Variants in NELL1 observed in about 807,000 individuals in gnomAD.
NELL1 encodes the protein protein kinase C-binding protein NELL1.
In NELL1, 76 loss-of-function variants were observed where a neutral mutation model predicts 107.4. The ratio of observed to expected loss-of-function variants is 0.71; its 90% confidence interval spans 0.59 to 0.86. The LOEUF (loss-of-function observed/expected upper bound fraction) is 0.86, where lower values mean the gene tolerates loss of function less well. NELL1 is among the 40% of genes least tolerant of loss of function. NELL1 has a pLI of 0.00. For missense variants in NELL1, 1,024 were observed against 1,005.5 expected (o/e 1.02, Z -0.25); for synonymous variants, 353 against 341.2 (o/e 1.03, Z -0.38).
intron 14 of NELL1, among the ~76,000 whole-genome samples, chr11:21,271,231 T>C (rs1848733416): frequency 6.6e-6 from 1 of 151,966 alleles, no homozygotes; most frequent in African/African-American, 2.4e-5. Context: ...ATCAACAAAA[T>C]TGATGAACCT....
intron 12 of NELL1, among the ~76,000 whole-genome samples, chr11:21,012,493 A>G (rs182045453): frequency 3.9e-5 from 6 of 152,214 alleles, no homozygotes; most frequent in Admixed American, 3.9e-4. Flanking sequence ...CTCCCATTGT[A>G]ACTGCCTGAT....
chr11:20,956,263 A>C (rs1851169041), intron 11 of NELL1, among the ~76,000 whole-genome samples: 1 of 152,064 alleles, frequency 6.6e-6, no homozygotes, highest in African/African-American at 2.4e-5. Flanking sequence ...AAAATATAAA[A>C]GATTATTCTA....
chr11:21,446,215 T>G (rs948538728), intron 15 of NELL1, among the ~76,000 whole-genome samples: 1 of 152,120 alleles, frequency 6.6e-6, no homozygotes, highest in African/African-American at 2.4e-5. Flanking sequence ...ATTTATTTGT[T>G]TACTTTATAT....
At chr11:21,443,877 A>AC (rs398115128) in intron 15 of NELL1, among the ~76,000 whole-genome samples, 1 of 151,632 alleles carries the variant, frequency 6.6e-6, no homozygotes, top group African/African-American at 2.4e-5. Flanking sequence ...GAAAAAAAAA[A>AC]GAAAAGTAGG....
intron 3 of NELL1, among the ~76,000 whole-genome samples, chr11:20,799,725 G>A (rs934950950): frequency 2.6e-5 from 4 of 152,154 alleles, no homozygotes; most frequent in Admixed American, 2.0e-4. Context: ...CATGCACAGA[G>A]TTGTTACACT....
chr11:21,054,819 TC>T (rs1274900532), intron 12 of NELL1, among the ~76,000 whole-genome samples: 32 of 152,194 alleles, frequency 2.1e-4, no homozygotes, highest in African/African-American at 7.2e-4. Context: ...TAAAAGATGG[TC>T]AGTTATTTCC....
intron 4 of NELL1, among the ~76,000 whole-genome samples, chr11:20,869,578 A>T (rs1849158560): frequency 6.6e-6 from 1 of 152,190 alleles, no homozygotes; most frequent in African/African-American, 2.4e-5. Context: ...AAGTGCAAAA[A>T]TAGGTGAAAT....
chr11:21,007,678 A>C lies in NELL1; in HGVS notation c.1300+47118A>C, dbSNP rs142651268. Reference sequence around the variant, plus strand: ...GTTTGTGTAGGAGGGACACCTGTACATTCACACTTACTTGCAATTGTAGGT... The same window carrying C: ...GTTTGTGTAGGAGGGACACCTGTACCTTCACACTTACTTGCAATTGTAGGT... On this transcript the variant is annotated intron_variant, in intron 12 of 19. Transcript: ENST00000357134. Among the ~76,000 whole-genome samples, 592 of 152,108 alleles carry C rather than the reference A, an allele frequency of 3.9e-3. 2 individuals are homozygous for C. Among genetic ancestry groups the C allele is most frequent in the African/African-American group, 0.014 (562 of 41,514 alleles).
chr11:21,283,712 G>A (rs1466618401), intron 14 of NELL1: 3 of 164,114 alleles, frequency 1.8e-5, no homozygotes, highest in African/African-American at 7.2e-5. Flanking sequence ...TCCACCCAAG[G>A]AAGCTAGTTC....
At chr11:21,167,607 T>C (rs967687423) in intron 13 of NELL1, among the ~76,000 whole-genome samples, 2 of 151,876 alleles carry the variant, frequency 1.3e-5, no homozygotes, top group South Asian at 2.1e-4. Flanking sequence ...ACGAATACCT[T>C]ATTATAGTTG....
intron 15 of NELL1, among the ~76,000 whole-genome samples, chr11:21,475,054 T>C (rs1854290644): frequency 6.6e-6 from 1 of 152,142 alleles, no homozygotes; most frequent in Non-Finnish European, 1.5e-5. Context: ...CTCCATACTC[T>C]TTCTGATATT....
chr11:21,129,164 G>T (rs183683862), intron 13 of NELL1, among the ~76,000 whole-genome samples: 71 of 152,142 alleles, frequency 4.7e-4, no homozygotes, highest in Non-Finnish European at 1.3e-4. Flanking sequence ...ATTATTGTGT[G>T]TATGTGTGTG....
intron 14 of NELL1, among the ~76,000 whole-genome samples, chr11:21,358,565 ATTTTTTT>A (rs75578174): frequency 1.9e-3 from 187 of 97,684 alleles, no homozygotes; most frequent in Non-Finnish European, 2.8e-3. Flanking sequence ...TGCCCTGATA[ATTTTTTT>A]TTTTTTTTTT....
chr11:21,008,785 C>T (rs534241532), intron 12 of NELL1, among the ~76,000 whole-genome samples: 1 of 152,156 alleles, frequency 6.6e-6, no homozygotes, highest in African/African-American at 2.4e-5. Context: ...ATAGTACCAG[C>T]TCTTCTAGTA....
intron 13 of NELL1, among the ~76,000 whole-genome samples, chr11:21,121,048 C>T (rs1480658713): frequency 6.6e-6 from 1 of 152,056 alleles, no homozygotes; most frequent in Non-Finnish European, 1.5e-5. Context: ...TGGGATCTAT[C>T]CCCAGAGATT....
chr11:21,070,587 G>C (rs995847521), intron 12 of NELL1, among the ~76,000 whole-genome samples: 1 of 152,136 alleles, frequency 6.6e-6, no homozygotes, highest in Non-Finnish European at 1.5e-5. Context: ...TTAATACAGA[G>C]AGTGTGCTTA....
At chr11:21,214,822 C>T (rs918333504) in intron 13 of NELL1, among the ~76,000 whole-genome samples, 1 of 151,866 alleles carries the variant, frequency 6.6e-6, no homozygotes, top group African/African-American at 2.4e-5. Flanking sequence ...TGAGTGGGTG[C>T]AAATAAAAAG....
At position 21,554,043 on chromosome 11, in the gene NELL1, A is replaced by G. The variant is rs117609097; in HGVS notation, c.1787-6146A>G. 6.2e-3 allele frequency among the ~76,000 whole-genome samples: 943 copies of G among 151,938 alleles called. 7 individuals are homozygous for G. Among genetic ancestry groups the G allele is most frequent in the Non-Finnish European group, 0.01 (706 of 67,850 alleles). On this transcript the variant is annotated intron_variant, in intron 16 of 19. Coordinates refer to ENST00000357134, the MANE Select transcript of NELL1 (RefSeq NM_006157.5). ...TATAAATCGTGGGTTGTTGACATCA[A>G]TACTGTAGCCTCTGTGCAGTAAAAC...
intron 15 of NELL1, among the ~76,000 whole-genome samples, chr11:21,420,776 T>C (rs1376537392): frequency 4.6e-5 from 7 of 152,142 alleles, no homozygotes; most frequent in Non-Finnish European, 1.0e-4. Flanking sequence ...AGGGTGAGAG[T>C]ATATAAGGAA....
Sources: gnomAD v4.1 joint callset for allele counts (sites outside exome capture counted in the v4.1 genomes callset) on GRCh38, gnomAD v4.1.1 for gene constraint, MANE v1.5 for transcripts, NCBI Gene and HGNC (gene_info 2026-07-23, HGNC 2026-07-21) for gene names.